Variants in FARS2 observed in about 807,000 individuals in gnomAD.
FARS2 encodes the protein phenylalanyl-tRNA synthetase 2, mitochondrial.
FARS2 carries 40 observed loss-of-function variants against 46.4 expected under a neutral mutation model. The ratio of observed to expected loss-of-function variants is 0.86; its 90% CI spans 0.67 to 1.12. The LOEUF is 1.12. FARS2 is among the 50% of genes most tolerant of loss of function. The pLI, the probability that FARS2 is intolerant of heterozygous loss-of-function variation, is 0.00. For synonymous variants in FARS2, 234 were observed against 214.9 expected (o/e 1.09, Z -0.78); for missense variants, 513 against 567.9 (o/e 0.90, Z 0.98).
intron 6 of FARS2, among the ~76,000 whole-genome samples, chr6:5,628,089 G>C (rs1367895734): frequency 6.6e-6 from 1 of 152,216 alleles, no homozygotes; most frequent in Non-Finnish European, 1.5e-5. Context: ...AAACTCTTTA[G>C]CTTCCAGGAG....
chr6:5,713,093 C>A (rs953759481), intron 6 of FARS2, among the ~76,000 whole-genome samples: 1 of 152,198 alleles, frequency 6.6e-6, no homozygotes, highest in African/African-American at 2.4e-5. Context: ...ATGGTCCTGG[C>A]AATTTGGCAT....
chr6:5,529,158 G>A (rs1769658596), intron 4 of FARS2, among the ~76,000 whole-genome samples: 1 of 152,176 alleles, frequency 6.6e-6, no homozygotes, highest in Non-Finnish European at 1.5e-5. Flanking sequence ...TGGAGCTAGT[G>A]ATAGTGACCT....
At chr6:5,456,150 G>A (rs1418030027) in intron 4 of FARS2, among the ~76,000 whole-genome samples, 1 of 152,098 alleles carries the variant, frequency 6.6e-6, no homozygotes, top group African/African-American at 2.4e-5. Flanking sequence ...GGAGGTCGAG[G>A]CTGCAGTGAG....
intron 5 of FARS2, among the ~76,000 whole-genome samples, chr6:5,603,665 T>C (rs1370115824): frequency 6.6e-6 from 1 of 152,218 alleles, no homozygotes; most frequent in Non-Finnish European, 1.5e-5. Context: ...GCAGGTGGTG[T>C]GCTCCCTGTG....
intron 6 of FARS2, among the ~76,000 whole-genome samples, chr6:5,683,708 C>T (rs745806991): frequency 6.6e-6 from 1 of 152,000 alleles, no homozygotes; most frequent in Non-Finnish European, 1.5e-5. Context: ...ACCCGTCAAC[C>T]CGTCATCTAG....
chr6:5,449,352 C>CAAAAAAAAAAAAAAAAAA (rs5873985), intron 4 of FARS2, among the ~76,000 whole-genome samples: 1 of 120,854 alleles, frequency 8.3e-6, no homozygotes, highest in Non-Finnish European at 1.7e-5. Flanking sequence ...GACTCCATCT[C>CAAAAAAAAAAAAAAAAAA]AAAAAAAAAA....
At chr6:5,663,561 CA>C (rs1777951666) in intron 6 of FARS2, among the ~76,000 whole-genome samples, 1 of 152,034 alleles carries the variant, frequency 6.6e-6, no homozygotes, top group Non-Finnish European at 1.5e-5. Flanking sequence ...AGATCAGAAG[CA>C]ATCCACTAAA....
the FARS2 span, among the ~76,000 whole-genome samples, chr6:5,250,461 C>T: frequency 1.3e-5 from 2 of 152,014 alleles, no homozygotes; most frequent in African/African-American, 2.4e-5. Flanking sequence ...CTAAGTTAAC[C>T]GTACTATTTT....
At chr6:5,323,970 A>G (rs1033421607) in intron 1 of FARS2, among the ~76,000 whole-genome samples, 7 of 152,050 alleles carry the variant, frequency 4.6e-5, no homozygotes, top group Admixed American at 1.3e-4. Flanking sequence ...GCCAGCCCCC[A>G]AGATAACTTC....
intron 6 of FARS2, among the ~76,000 whole-genome samples, chr6:5,646,781 GT>G (rs1362851415): frequency 6.6e-6 from 1 of 152,180 alleles, no homozygotes; most frequent in African/African-American, 2.4e-5. Flanking sequence ...ATACTGTATT[GT>G]TTAGGGAATA....
In FARS2 at chr6:5,431,057, G is replaced by C. The variant is rs1323757862; in HGVS notation, c.789G>C (p.Trp263Cys). The C allele has an allele frequency of 6.2e-7, 1 of 1,613,580 alleles. No homozygotes were observed. Among genetic ancestry groups the C allele is most frequent in the South Asian group, 1.1e-5 (1 of 91,012 alleles). The part of the protein sequence containing the change: ...HLFGDELEIR[W>C]VDCYFPFTHP... ...ACTTTGCAGAGCTGGAGATAAGATG[G>C]GTAGACTGCTACTTCCCTTTTACAC... Residue 263 changes from tryptophan to cysteine, a missense_variant, in exon 4 of 7, where the codon TGG (tryptophan) becomes TGC (cysteine). By Grantham distance (215) the Trp-to-Cys change is radical. Coordinates refer to ENST00000274680, the MANE Select transcript of FARS2 (RefSeq NM_006567.5).
intron 1 of FARS2, among the ~76,000 whole-genome samples, chr6:5,301,016 C>T (rs954128764): frequency 1.3e-5 from 2 of 151,602 alleles, no homozygotes; most frequent in Admixed American, 6.6e-5. Flanking sequence ...CATGCCCAGC[C>T]ACATCTGGTT....
At chr6:5,537,089 C>T (rs1770251224) in intron 4 of FARS2, among the ~76,000 whole-genome samples, 1 of 152,164 alleles carries the variant, frequency 6.6e-6, no homozygotes, top group African/African-American at 2.4e-5. Context: ...TGAAGGCATA[C>T]AGGCTGCACT....
At chr6:5,682,669 C>T (rs1238310235) in intron 6 of FARS2, among the ~76,000 whole-genome samples, 1 of 152,234 alleles carries the variant, frequency 6.6e-6, no homozygotes, top group Non-Finnish European at 1.5e-5. Context: ...GCCCTGCTGT[C>T]AGCCAGGTCC....
intron 4 of FARS2, among the ~76,000 whole-genome samples, chr6:5,469,594 G>A (rs113484712): frequency 6.6e-6 from 1 of 152,296 alleles, no homozygotes; most frequent in African/African-American, 2.4e-5. Flanking sequence ...ACTGCCCTCG[G>A]CATCTCTTAA....
intron 5 of FARS2, among the ~76,000 whole-genome samples, chr6:5,596,216 G>A (rs1774189789): frequency 6.6e-6 from 1 of 152,162 alleles, no homozygotes; most frequent in South Asian, 2.1e-4. Flanking sequence ...TGCTTTGTTG[G>A]TGTGCTGTGA....
intron 4 of FARS2, among the ~76,000 whole-genome samples, chr6:5,469,159 T>G (rs2150316679): frequency 6.6e-6 from 1 of 152,340 alleles, no homozygotes; most frequent in African/African-American, 2.4e-5. Context: ...GACTGTTTCT[T>G]GGGACCACTT....
chr6:5,509,624 A>G (rs1390783132), intron 4 of FARS2, among the ~76,000 whole-genome samples: 1 of 152,194 alleles, frequency 6.6e-6, no homozygotes, highest in African/African-American at 2.4e-5. Flanking sequence ...GGAGTCGATA[A>G]TGATGGAGAA....
intron 6 of FARS2, among the ~76,000 whole-genome samples, chr6:5,737,623 A>G (rs7751496): frequency 0.028 from 4,279 of 152,334 alleles, 197 homozygotes; most frequent in African/African-American, 0.098. Flanking sequence ...CAGCTGACCT[A>G]GCCTGCATGC....
Sources: gnomAD v4.1 joint callset for allele counts (sites outside exome capture counted in the v4.1 genomes callset) on GRCh38, gnomAD v4.1.1 for gene constraint, MANE v1.5 for transcripts, NCBI Gene and HGNC (gene_info 2026-07-23, HGNC 2026-07-21) for gene names.